The following GALP variants were observed in gnomAD, a reference collection of about 807,000 sequenced individuals.
The protein encoded by GALP is galanin-like peptide.
GALP carries 12 observed loss-of-function variants against 15.2 expected under a neutral mutation model. The observed-to-expected ratio is 0.79, with a 90% CI of 0.51 to 1.28. The LOEUF is 1.28. Ranked by LOEUF, GALP falls within the 50% of genes most tolerant of loss-of-function variation. GALP has a pLI of 0.00. For missense variants in GALP, 161 were observed against 145.6 expected, an observed-to-expected ratio of 1.11 and a Z score of -0.55; for synonymous variants, 58 against 55.1, an observed-to-expected ratio of 1.05 and a Z score of -0.23.
intron 1 of GALP, 131 bp downstream of exon 1, chr19:56,176,193 C>T (rs1473924613): frequency 1.3e-4 from 20 of 148,588 alleles, no homozygotes; most frequent in Middle Eastern, 3.4e-3. Flanking sequence ...GGCAGAGGGG[C>T]GGATGCCAGC....
chr19:56,184,746 G>A (rs990941893), intron 5 of GALP, among the ~76,000 whole-genome samples: 3 of 151,904 alleles, frequency 2.0e-5, no homozygotes, highest in Admixed American at 6.6e-5. Context: ...GCCTCCCCAA[G>A]TGCTGGGATT....
At chr19:56,182,935 TG>T (rs1235338871) in intron 4 of GALP, among the ~76,000 whole-genome samples, 199 bp from the exon 5 acceptor site, 1 of 152,094 alleles carries the variant, frequency 6.6e-6, no homozygotes, top group Non-Finnish European at 1.5e-5. Flanking sequence ...GGGCGTTTGT[TG>T]TACAGACTAC....
At chr19:56,182,468 A>G (rs1331324842) in intron 4 of GALP, among the ~76,000 whole-genome samples, 1 of 152,074 alleles carries the variant, frequency 6.6e-6, no homozygotes, top group African/African-American at 2.4e-5. Flanking sequence ...GAAATTCCGA[A>G]TCCTGTTTGA....
intron 5 of GALP, among the ~76,000 whole-genome samples, chr19:56,184,442 A>C (rs2122176587): frequency 6.6e-6 from 1 of 150,758 alleles, no homozygotes; most frequent in South Asian, 2.1e-4. Flanking sequence ...TGTTCGCCCC[A>C]ACCCCATCTC....
At chr19:56,185,185 A>AG in intron 5 of GALP, 30 bp from the exon 6 acceptor site, 2 of 1,510,032 alleles carry the variant, frequency 1.3e-6, no homozygotes, top group South Asian at 2.3e-5. Flanking sequence ...GAGAAAAACC[A>AG]TTCAAAGTTT....
chr19:56,177,175 G>C lies in GALP; in HGVS notation c.67G>C (p.Ala23Pro). Residue 23 changes from alanine to proline, a missense_variant, in exon 2 of 6, where the codon GCA (alanine) becomes CCA (proline). Physicochemically the swap from Ala to Pro is conservative, Grantham distance 27. Coordinates refer to ENST00000357330, the MANE Select transcript of GALP (RefSeq NM_033106.4). ...VLLLSLAETPASAPAHRGRGG... is the reference protein window; with the variant it reads ...VLLLSLAETPPSAPAHRGRGG... ...CTTGCTGAGCCTGGCAGAGACTCCA[G>C]CATCCGCACCTGCCCACCGGGTAAC... is the stretch of plus-strand genomic sequence containing the variant. The C allele has an allele frequency of 6.2e-7, 1 of 1,613,458 alleles. No individual in the cohort carries two copies. Among genetic ancestry groups the C allele is most frequent in the Non-Finnish European group, 8.5e-7 (1 of 1,179,828 alleles).
At chr19:56,180,232 C>A (rs7258661) in intron 2 of GALP, among the ~76,000 whole-genome samples, 23,735 of 152,166 alleles carry the variant, frequency 0.16, 2,073 homozygotes, top group African/African-American at 0.23. Context: ...TTAAAGTGTG[C>A]AACACCGTAT....
chr19:56,178,926 G>T (rs2032513874), intron 2 of GALP, among the ~76,000 whole-genome samples: 1 of 152,208 alleles, frequency 6.6e-6, no homozygotes, highest in Non-Finnish European at 1.5e-5. Flanking sequence ...TGCAATCCCA[G>T]CACTTTGGGA....
At chr19:56,176,600 C>A (rs61306230) in intron 1 of GALP, among the ~76,000 whole-genome samples, 6 of 78,524 alleles carry the variant, frequency 7.6e-5, no homozygotes, top group African/African-American at 1.7e-4. Flanking sequence ...GGGTGGATGC[C>A]AGCTGCACCG....
chr19:56,182,398 A>G (rs890827195), intron 4 of GALP, 146 bp downstream of exon 4: 1 of 599,238 alleles, frequency 1.7e-6, no homozygotes, highest in Middle Eastern at 4.2e-4. Flanking sequence ...CGTTTCCTTC[A>G]AGCTTCTGGG....
chr19:56,185,526 G>A lies in GALP; in HGVS notation c.*256G>A, dbSNP rs2032640317. 3.2e-5 allele frequency: 11 copies of A among 339,630 alleles called. No homozygotes were observed. In the South Asian group the frequency reaches 7.3e-4, roughly 23 times the overall value. 21.0% of individuals were successfully genotyped at this position (339,630 alleles called of 1,614,324 possible). A position where few individuals can be genotyped will look rare whatever the true frequency, so the allele number is the denominator to read the frequency against. On this transcript the variant is annotated 3_prime_UTR_variant, in exon 6 of 6. Coordinates refer to ENST00000357330, the MANE Select transcript of GALP (RefSeq NM_033106.4). ...CGAGGACTAGTTGGGAGATTCTGGG[G>A]TAATCAGGGAATATTCCTGCAACAC...
At position 56,182,262 on chromosome 19, in the gene GALP, C is replaced by T. The variant is rs371254878; in HGVS notation, c.217+10C>T. 9.6e-5 allele frequency: 154 copies of T among 1,604,794 alleles called. No individual in the cohort carries two copies. The highest frequency in any genetic ancestry group is 8.7e-4 in the African/African-American group (65 of 74,704). On this transcript the variant is annotated intron_variant, in intron 4 of 5. Transcript: ENST00000357330. Reference sequence around the variant, plus strand: ...CTGTGGAAGGCCATCGGTGAGTGAGCGGGGAGTTAGACGTCTTCTCCTGCG... The same window carrying T: ...CTGTGGAAGGCCATCGGTGAGTGAGTGGGGAGTTAGACGTCTTCTCCTGCG...
intron 4 of GALP, among the ~76,000 whole-genome samples, chr19:56,182,640 G>T (rs1394183645): frequency 1.3e-5 from 2 of 152,110 alleles, no homozygotes; most frequent in South Asian, 4.1e-4. Flanking sequence ...GAATGGTTTG[G>T]CTGGGCATGG....
intron 5 of GALP, among the ~76,000 whole-genome samples, chr19:56,184,011 A>G (rs1300678383): frequency 6.6e-6 from 1 of 151,554 alleles, no homozygotes; most frequent in Non-Finnish European, 1.5e-5. Context: ...GCTGGCGTGA[A>G]GTGGTGTGAT....
intron 4 of GALP, among the ~76,000 whole-genome samples, chr19:56,182,470 C>T (rs558078821): frequency 2.8e-4 from 42 of 152,276 alleles, no homozygotes; most frequent in African/African-American, 9.9e-4. Flanking sequence ...AATTCCGAAT[C>T]CTGTTTGAAC....
chr19:56,177,015 C>G, intron 1 of GALP, 55 bp from the exon 2 acceptor site: 2 of 845,144 alleles, frequency 2.4e-6, no homozygotes, highest in South Asian at 3.0e-5. Flanking sequence ...CTGTCCTTAT[C>G]GGAAATGCAC....
chr19:56,184,747 T>G (rs767315120), intron 5 of GALP, among the ~76,000 whole-genome samples: 1 of 152,060 alleles, frequency 6.6e-6, no homozygotes, highest in African/African-American at 2.4e-5. Flanking sequence ...CCTCCCCAAG[T>G]GCTGGGATTA....
chr19:56,185,221 G>A lies in GALP; in HGVS notation c.302G>A (p.Gly101Asp). 1 of 1,604,758 alleles carries A rather than the reference G, an allele frequency of 6.2e-7. No homozygotes were observed. The highest frequency in any genetic ancestry group is 8.5e-7 in the Non-Finnish European group (1 of 1,172,264). ...TFAKPEIGDLGMLSMKIPKEE... is the reference protein window; with the variant it reads ...TFAKPEIGDLDMLSMKIPKEE... The stretch of plus-strand genomic sequence containing the variant: ...ACCTCTTTCTTTCCCACAGATCTGG[G>A]CATGCTCAGCATGAAAATTCCCAAG... Residue 101 changes from glycine to aspartate, a missense_variant, in exon 6 of 6, where the codon GGC (glycine) becomes GAC (aspartate). By Grantham distance (94) the Gly-to-Asp change is moderately conservative. Coordinates refer to ENST00000357330, the MANE Select transcript of GALP (RefSeq NM_033106.4).
chr19:56,177,295 G>T, intron 2 of GALP, 100 bp downstream of exon 2: 9 of 967,394 alleles, frequency 9.3e-6, no homozygotes, highest in Non-Finnish European at 9.5e-6. Flanking sequence ...CAAGGGTCCT[G>T]GGGAAGAAGC....
Sources: gnomAD v4.1 joint callset for allele counts (sites outside exome capture counted in the v4.1 genomes callset) on GRCh38, gnomAD v4.1.1 for gene constraint, MANE v1.5 for transcripts, NCBI Gene and HGNC (gene_info 2026-07-23, HGNC 2026-07-21) for gene names.